CHCHD2: variants seen among roughly 807,000 people sequenced by gnomAD.
CHCHD2 encodes the protein coiled-coil-helix-coiled-coil-helix domain-containing protein 2.
In CHCHD2, 17 loss-of-function variants were observed where a neutral mutation model predicts 17.5. The observed-to-expected ratio is 0.97, with a 90% CI of 0.67 to 1.46. CHCHD2 has a LOEUF of 1.46. Among genes scored for constraint, CHCHD2 ranks in the 40% most tolerant of loss-of-function variants. The probability of loss-of-function intolerance (pLI) is 0.00; values close to 1 mark genes in which losing one functional copy is unlikely to be tolerated. For synonymous variants in CHCHD2, 63 were observed against 74.3 expected, an observed-to-expected ratio of 0.85 and a Z score of 0.78; for missense variants, 175 against 199.9, an observed-to-expected ratio of 0.88 and a Z score of 0.75.
intron 2 of CHCHD2, 113 bp downstream of exon 2, chr7:56,104,108 ATTAAC>A: frequency 3.7e-6 from 5 of 1,365,796 alleles, no homozygotes; most frequent in Non-Finnish European, 4.1e-6. Flanking sequence ...CCCATTGTCT[ATTAAC>A]AGCACAGTGG....
intron 3 of CHCHD2, 56 bp downstream of exon 3, chr7:56,102,811 A>C: frequency 6.3e-7 from 1 of 1,577,534 alleles, no homozygotes; most frequent in Non-Finnish European, 8.7e-7. Context: ...TAAGTTCTAC[A>C]GGATCCAGGA....
chr7:56,103,779 C>G (rs1285901711), intron 2 of CHCHD2, among the ~76,000 whole-genome samples: 1 of 152,186 alleles, frequency 6.6e-6, no homozygotes, highest in Non-Finnish European at 1.5e-5. Flanking sequence ...GGAGCAGTTT[C>G]AAGCACACCG....
chr7:56,105,879 A>C (rs1457648913), intron 1 of CHCHD2, among the ~76,000 whole-genome samples: 1 of 152,226 alleles, frequency 6.6e-6, no homozygotes, highest in East Asian at 1.9e-4. Flanking sequence ...TTACAAAACA[A>C]GACTGGCCAA....
intron 2 of CHCHD2, 67 bp downstream of exon 2, chr7:56,104,159 A>C (rs1391147781): frequency 1.3e-6 from 2 of 1,583,862 alleles, no homozygotes; most frequent in Non-Finnish European, 1.7e-6. Flanking sequence ...CACTTAAGGA[A>C]CTTACAAACG....
At chr7:56,104,648 C>T (rs1294957933) in intron 1 of CHCHD2, among the ~76,000 whole-genome samples, 173 bp from the exon 2 acceptor site, 1 of 151,568 alleles carries the variant, frequency 6.6e-6, no homozygotes, top group Non-Finnish European at 1.5e-5. Flanking sequence ...GCTCTTGTTG[C>T]CCAGGCTGGA....
Position 56,101,783 on chromosome 7 carries a change from C to T in CHCHD2, c.*68G>A. 1.4e-6 allele frequency: 2 copies of T among 1,430,678 alleles called. No individual in the cohort carries two copies. The highest frequency in any genetic ancestry group is 2.0e-6 in the Non-Finnish European group (2 of 1,022,420). The allele number at this position is 1,430,678 out of a possible 1,614,324, so 88.6% of individuals were successfully genotyped here. On this transcript the variant is annotated 3_prime_UTR_variant, in exon 4 of 4. Transcript: ENST00000395422. Reference sequence around the variant, plus strand: ...ACACTTTATACCCTCACTATCAATTCTATTTTTATACTAAATTAACTTAGT... The same window carrying T: ...ACACTTTATACCCTCACTATCAATTTTATTTTTATACTAAATTAACTTAGT...
chr7:56,103,788 C>T (rs754965457), intron 2 of CHCHD2, among the ~76,000 whole-genome samples: 3 of 152,054 alleles, frequency 2.0e-5, no homozygotes, highest in Non-Finnish European at 2.9e-5. Flanking sequence ...TCAAGCACAC[C>T]GGAAATACAA....
chr7:56,102,917 T>C lies in CHCHD2; in HGVS notation c.395A>G (p.Lys132Arg). 1 of 1,614,094 alleles carries C rather than the reference T, an allele frequency of 6.2e-7. No homozygotes were observed. ...CACCTCATTGAAACCCTCACAGAGC[T>C]TGATGTCACCCTGGTTCTGGGCACA... ...LECAQNQGDI[K>R]LCEGFNEVLK... The change falls in exon 3 of 4, where the codon AAG becomes AGG. Residue 132 changes from lysine (K) to arginine (R), a missense_variant. Lys to Arg is a conservative substitution (Grantham distance 26). Coordinates refer to ENST00000395422, the MANE Select transcript of CHCHD2 (RefSeq NM_016139.4).
At chr7:56,103,988 G>A (rs1184063839) in intron 2 of CHCHD2, among the ~76,000 whole-genome samples, 1 of 152,228 alleles carries the variant, frequency 6.6e-6, no homozygotes, top group Non-Finnish European at 1.5e-5. Flanking sequence ...GTTTTACAGT[G>A]AGTCAAGTGG....
Position 56,102,958 on chromosome 7 carries a change from G to T in CHCHD2, c.354C>A (p.Ile118=), listed in dbSNP as rs202040396. ...AQQQQPCLYE[I]KQFLECAQNQ... is the part of the protein sequence containing the mutation. ...TCTGGGCACACTCCAGAAACTGTTT[G>T]ATCTCATAGAGGCAAGGCTGCTGCT... is the stretch of plus-strand genomic sequence containing the variant. The change falls in exon 3 of 4, where the codon ATC becomes ATA. Residue 118 remains isoleucine, a synonymous_variant. Coordinates refer to ENST00000395422, the MANE Select transcript of CHCHD2 (RefSeq NM_016139.4). 1 of 1,614,164 alleles carries T rather than the reference G, an allele frequency of 6.2e-7. No individual in the cohort carries two copies. Among genetic ancestry groups the T allele is most frequent in the South Asian group, 1.1e-5 (1 of 91,078 alleles).
intron 1 of CHCHD2, 130 bp downstream of exon 1, chr7:56,106,234 C>A (rs1205298892): frequency 5.2e-6 from 4 of 764,030 alleles, no homozygotes; most frequent in South Asian, 3.6e-5. Flanking sequence ...CAATCTACCC[C>A]CGCCTGGCAG....
At chr7:56,106,265 C>G in intron 1 of CHCHD2, 99 bp downstream of exon 1, 2 of 1,169,354 alleles carry the variant, frequency 1.7e-6, no homozygotes, top group Admixed American at 2.5e-5. Context: ...ACGCCGCAGC[C>G]GACCTTAGTT....
At position 56,104,241 on chromosome 7, in the gene CHCHD2, A is replaced by G. The variant is rs993629119; in HGVS notation, c.285T>C (p.Pro95=). ...AAATTCCCACCTGGTAAGTGATGTC[A>G]GGCCTCGCAGGCTCAGCATTACTTC... ...SGGSNAEPAR[P]DITYQEPQGT... is the part of the protein sequence containing the mutation. Residue 95 remains proline (P), a synonymous_variant, in exon 2 of 4, where the codon CCT becomes CCC. Coordinates refer to ENST00000395422, the MANE Select transcript of CHCHD2 (RefSeq NM_016139.4). 1.1e-5 allele frequency: 17 copies of G among 1,613,180 alleles called. No homozygotes were observed. The highest frequency in any genetic ancestry group is 1.4e-5 in the Non-Finnish European group (17 of 1,179,182).
intron 2 of CHCHD2, among the ~76,000 whole-genome samples, 159 bp downstream of exon 2, chr7:56,104,067 A>T (rs6593298): frequency 1.3e-5 from 2 of 152,128 alleles, no homozygotes; most frequent in Non-Finnish European, 2.9e-5. Flanking sequence ...GGCCTAAGGC[A>T]GTAACTCAAC....
At chr7:56,103,865 A>C (rs986451264) in intron 2 of CHCHD2, among the ~76,000 whole-genome samples, 5 of 152,252 alleles carry the variant, frequency 3.3e-5, no homozygotes, top group Non-Finnish European at 5.9e-5. Flanking sequence ...GTAATGGCAA[A>C]CATCACGTAA....
chr7:56,105,733 G>GT (rs1178450115), intron 1 of CHCHD2, among the ~76,000 whole-genome samples: 1 of 152,198 alleles, frequency 6.6e-6, no homozygotes, highest in Non-Finnish European at 1.5e-5. Flanking sequence ...CAAGGCTGCA[G>GT]TTAGCCATAA....
rs147611242 is a variant in CHCHD2 at position 56,102,963 on chromosome 7, C to T, written c.349G>A (p.Glu117Lys). The T allele has an allele frequency of 4.3e-6, 7 of 1,614,070 alleles. No homozygotes were observed. The African/African-American group carries it at 9.3e-5, about 22-fold the overall frequency. The change falls in exon 3 of 4, where the codon GAG becomes AAG. Residue 117 changes from glutamate (E) to lysine (K), a missense_variant. Transcript: ENST00000395422. ...GCACACTCCAGAAACTGTTTGATCTCATAGAGGCAAGGCTGCTGCTGCTGT... is the reference window on the plus strand; with the variant it reads ...GCACACTCCAGAAACTGTTTGATCTTATAGAGGCAAGGCTGCTGCTGCTGT... ...PAQQQQPCLY[E>K]IKQFLECAQN...
At chr7:56,104,627 G>A in intron 1 of CHCHD2, 152 bp from the exon 2 acceptor site, 1 of 892,620 alleles carries the variant, frequency 1.1e-6, no homozygotes, top group Non-Finnish European at 1.6e-6. Context: ...TTTTTTTTGA[G>A]ATGGAGCTTC....
chr7:56,104,142 A>C (rs1380512174), intron 2 of CHCHD2, 84 bp downstream of exon 2: 1 of 1,553,576 alleles, frequency 6.4e-7, no homozygotes, highest in Non-Finnish European at 8.8e-7. Flanking sequence ...ATCAAAGACA[A>C]TTCCTACACT....
Sources: gnomAD v4.1 joint callset for allele counts (sites outside exome capture counted in the v4.1 genomes callset) on GRCh38, gnomAD v4.1.1 for gene constraint, MANE v1.5 for transcripts, NCBI Gene and HGNC (gene_info 2026-07-23, HGNC 2026-07-21) for gene names.